The following DLC1 variants were observed in gnomAD, a reference collection of about 807,000 sequenced individuals.
The protein encoded by DLC1 is DLC1 Rho GTPase activating protein.
Under a neutral mutation model 140.3 loss-of-function variants are expected in DLC1, and 54 were observed. The observed-to-expected ratio is 0.38, with a 90% confidence interval of 0.31 to 0.48. The LOEUF (loss-of-function observed/expected upper bound fraction) is 0.48, where lower values mean the gene tolerates loss of function less well. Among genes scored for constraint, DLC1 ranks in the 20% least tolerant of loss-of-function variants. The pLI is 0.96. For synonymous variants in DLC1, 986 were observed against 728.1 expected (o/e 1.35, Z -5.70); for missense variants, 2,536 against 1,907.0 (o/e 1.33, Z -6.14).
At chr8:13,370,342 G>A (rs1053970348) in intron 4 of DLC1, among the ~76,000 whole-genome samples, 6 of 152,112 alleles carry the variant, frequency 3.9e-5, no homozygotes, top group African/African-American at 1.4e-4. Context: ...TTGACATACA[G>A]TAGGTGTTTG....
chr8:13,507,195 C>T (rs56681275), intron 1 of DLC1, among the ~76,000 whole-genome samples: 2,692 of 152,270 alleles, frequency 0.018, 95 homozygotes, highest in African/African-American at 0.061. Flanking sequence ...AAATTGTGTA[C>T]ATTTGGGCGC....
At chr8:13,555,317 C>G (rs79672662) in intron 1 of DLC1, among the ~76,000 whole-genome samples, 4,321 of 152,026 alleles carry the variant, frequency 0.028, 162 homozygotes, top group East Asian at 0.11. Context: ...TGAGGACAGC[C>G]TTTCTTGTAT....
intron 5 of DLC1, among the ~76,000 whole-genome samples, chr8:13,131,843 C>G (rs1359511232): frequency 1.3e-5 from 2 of 152,236 alleles, no homozygotes; most frequent in Non-Finnish European, 2.9e-5. Flanking sequence ...ACCCCACCAG[C>G]CTGACCCCGT....
At chr8:13,381,889 G>A (rs1358854081) in intron 4 of DLC1, among the ~76,000 whole-genome samples, 4 of 152,254 alleles carry the variant, frequency 2.6e-5, no homozygotes, top group African/African-American at 9.6e-5. Context: ...ACTAAAAACT[G>A]ACAAAATATG....
intron 5 of DLC1, among the ~76,000 whole-genome samples, chr8:13,247,327 CT>C (rs1829807067): frequency 1.3e-5 from 2 of 152,152 alleles, no homozygotes; most frequent in South Asian, 4.1e-4. Context: ...ACAGCCAACA[CT>C]TTGCAAAGCA....
chr8:13,350,738 T>TAA (rs1481470565), intron 4 of DLC1, among the ~76,000 whole-genome samples: 2 of 151,902 alleles, frequency 1.3e-5, no homozygotes, highest in African/African-American at 4.8e-5. Context: ...AATAAATAAA[T>TAA]ATAAAGAGAA....
chr8:13,389,415 G>A (rs1213546522), intron 4 of DLC1, among the ~76,000 whole-genome samples: 1 of 152,034 alleles, frequency 6.6e-6, no homozygotes, highest in Admixed American at 6.6e-5. Flanking sequence ...GGTTGTTTAT[G>A]GAAGAGTCTA....
At chr8:13,381,609 G>A (rs1160034167) in intron 4 of DLC1, among the ~76,000 whole-genome samples, 5 of 152,150 alleles carry the variant, frequency 3.3e-5, no homozygotes, top group East Asian at 3.9e-4. Flanking sequence ...GAACATTTTG[G>A]TTGCTTCACA....
intron 5 of DLC1, among the ~76,000 whole-genome samples, chr8:13,275,509 A>G (rs1041686981): frequency 6.6e-6 from 1 of 152,172 alleles, no homozygotes. Flanking sequence ...CATAAACGCT[A>G]TTGGGAAACC....
Position 13,100,058 on chromosome 8 carries a change from G to C in DLC1, c.2279C>G (p.Thr760Arg), listed in dbSNP as rs144923726. The change falls in exon 9 of 18, where the codon ACG becomes AGG. Residue 760 changes from threonine to arginine, a missense_variant. Transcript: ENST00000276297. ...GCACGCACTGAGGCTCCGGGTCCTC[G>C]TAACAGGGCTGGGCGTGCTGACCGC... The part of the protein sequence containing the change: ...SSAVSTPSPV[T>R]RTRSLSACNK... 2 of 1,613,322 alleles carry C rather than the reference G, an allele frequency of 1.2e-6. No individual in the cohort carries two copies. The highest frequency in any genetic ancestry group is 2.2e-5 in the East Asian group (1 of 44,880).
At chr8:13,126,502 A>C (rs1821582682) in intron 5 of DLC1, among the ~76,000 whole-genome samples, 1 of 152,250 alleles carries the variant, frequency 6.6e-6, no homozygotes. Flanking sequence ...AGTCCTTTGA[A>C]GATGATAACT....
At chr8:13,429,993 T>C (rs1838784119) in intron 2 of DLC1, among the ~76,000 whole-genome samples, 2 of 152,226 alleles carry the variant, frequency 1.3e-5, no homozygotes, top group Non-Finnish European at 2.9e-5. Flanking sequence ...GACTAAACAT[T>C]AGATTCACCT....
At chr8:13,440,840 T>C (rs1016540110) in intron 2 of DLC1, among the ~76,000 whole-genome samples, 4 of 152,292 alleles carry the variant, frequency 2.6e-5, no homozygotes, top group East Asian at 1.9e-4. Context: ...AAGAAGTGCC[T>C]TTTGCTTCCC....
In DLC1 at chr8:13,166,211, G is replaced by A. The variant is rs189486002; in HGVS notation, c.1349-50554C>T. Among the ~76,000 whole-genome samples the A allele has an allele frequency of 6.0e-4, 91 of 152,178 alleles. 1 individual carries two copies. Among genetic ancestry groups the A allele is most frequent in the Admixed American group, 5.8e-3 (88 of 15,292 alleles). ...TAATGCTGATGATTTCCAAAGCCCAGCACATTTTCTCTCTGCAGTGTGTCT... is the reference window on the plus strand; with the variant it reads ...TAATGCTGATGATTTCCAAAGCCCAACACATTTTCTCTCTGCAGTGTGTCT... On this transcript the variant is annotated intron_variant, in intron 5 of 17. Coordinates refer to ENST00000276297, the MANE Select transcript of DLC1 (RefSeq NM_182643.3).
At chr8:13,406,181 G>GTTGTTTTTTTTT (rs1554514489) in intron 2 of DLC1, among the ~76,000 whole-genome samples, 72 of 84,950 alleles carry the variant, frequency 8.5e-4, no homozygotes, top group Non-Finnish European at 1.4e-3. Flanking sequence ...TAATTTTTGT[G>GTTGTTTTTTTTT]TTTTTTTTTT....
chr8:13,290,922 C>G (rs996723015), intron 5 of DLC1, among the ~76,000 whole-genome samples: 16 of 152,174 alleles, frequency 1.1e-4, no homozygotes, highest in African/African-American at 3.4e-4. Context: ...TCTTGTTTTT[C>G]TTTGAGATGG....
At chr8:13,599,041 C>G (rs1279796700) in intron 1 of DLC1, among the ~76,000 whole-genome samples, 2 of 151,286 alleles carry the variant, frequency 1.3e-5, no homozygotes, top group Non-Finnish European at 3.0e-5. Flanking sequence ...AAGAAGAACG[C>G]AAAAGGAAGT....
chr8:13,148,069 G>A (rs768161782), intron 5 of DLC1, among the ~76,000 whole-genome samples: 3 of 151,978 alleles, frequency 2.0e-5, no homozygotes, highest in Non-Finnish European at 4.4e-5. Flanking sequence ...TAGAAATGAT[G>A]TACTGTTTTG....
chr8:13,275,217 G>T (rs1343197319), intron 5 of DLC1, among the ~76,000 whole-genome samples: 1 of 152,196 alleles, frequency 6.6e-6, no homozygotes, highest in Non-Finnish European at 1.5e-5. Flanking sequence ...AAACTACCAT[G>T]TTATCTTCAC....
Sources: gnomAD v4.1 joint callset for allele counts (sites outside exome capture counted in the v4.1 genomes callset) on GRCh38, gnomAD v4.1.1 for gene constraint, MANE v1.5 for transcripts, NCBI Gene and HGNC (gene_info 2026-07-23, HGNC 2026-07-21) for gene names.